TTLL5: variants seen among roughly 807,000 people sequenced by gnomAD.
TTLL5 encodes the protein tubulin polyglutamylase TTLL5.
Under a neutral mutation model 168.4 loss-of-function variants are expected in TTLL5, and 132 were observed. The observed-to-expected ratio is 0.78, with a 90% CI of 0.68 to 0.91. The LOEUF is 0.91. Among genes scored for constraint, TTLL5 ranks in the 40% least tolerant of loss-of-function variants. The pLI is 0.00. For missense variants in TTLL5, 1,545 were observed against 1,581.5 expected, an observed-to-expected ratio of 0.98 and a Z score of 0.39; for synonymous variants, 546 against 558.6, an observed-to-expected ratio of 0.98 and a Z score of 0.32.
chr14:75,925,585 G>A (rs1385573930), intron 31 of TTLL5, among the ~76,000 whole-genome samples: 5 of 151,184 alleles, frequency 3.3e-5, no homozygotes, highest in Non-Finnish European at 7.4e-5. Flanking sequence ...CCAGGCAGAG[G>A]GTCTCCTCAC....
chr14:75,952,223 A>G (rs1395829169), intron 31 of TTLL5, among the ~76,000 whole-genome samples: 1 of 152,142 alleles, frequency 6.6e-6, no homozygotes, highest in Non-Finnish European at 1.5e-5. Context: ...AATCAAAACC[A>G]CAGTGGTCAG....
chr14:75,812,614 A>G (rs982812051), intron 27 of TTLL5, among the ~76,000 whole-genome samples: 3 of 152,060 alleles, frequency 2.0e-5, no homozygotes, highest in South Asian at 2.1e-4. Flanking sequence ...TAATGAAACT[A>G]TTTTCCCTTC....
At chr14:75,770,210 T>TAAAAA (rs1891215569) in intron 20 of TTLL5, among the ~76,000 whole-genome samples, 1 of 136,504 alleles carries the variant, frequency 7.3e-6, no homozygotes, top group Non-Finnish European at 1.6e-5. Context: ...AAAATATAAG[T>TAAAAA]GTATTATTTC....
chr14:75,911,974 G>C (rs1444969698), intron 31 of TTLL5, among the ~76,000 whole-genome samples: 1 of 152,182 alleles, frequency 6.6e-6, no homozygotes, highest in Non-Finnish European at 1.5e-5. Context: ...GCACAGGGAG[G>C]AATCAGTCTC....
chr14:75,932,055 G>A (rs2034294196), intron 31 of TTLL5, among the ~76,000 whole-genome samples: 1 of 152,190 alleles, frequency 6.6e-6, no homozygotes, highest in South Asian at 2.1e-4. Flanking sequence ...TATTGCTATT[G>A]TAAGGTTTAG....
chr14:75,773,598 A>T (rs1891472385), intron 21 of TTLL5, among the ~76,000 whole-genome samples: 1 of 152,036 alleles, frequency 6.6e-6, no homozygotes, highest in Non-Finnish European at 1.5e-5. Flanking sequence ...TTTCTTGAAA[A>T]TATATCTAGG....
chr14:75,806,089 T>C (rs937585000), intron 27 of TTLL5, among the ~76,000 whole-genome samples: 34 of 150,810 alleles, frequency 2.3e-4, no homozygotes, highest in African/African-American at 8.3e-4. Flanking sequence ...AGTGCAGTGG[T>C]GCGCGATCTC....
chr14:75,790,030 TAGAAAC>T (rs1892604283), intron 26 of TTLL5, among the ~76,000 whole-genome samples: 1 of 152,100 alleles, frequency 6.6e-6, no homozygotes, highest in African/African-American at 2.4e-5. Context: ...AATAGAAAGT[TAGAAAC>T]AGTCACACAA....
chr14:75,882,895 GC>G lies in TTLL5; in HGVS notation c.3734del (p.Ala1245ValfsTer11), dbSNP rs2031892491. On this transcript the variant is annotated frameshift_variant, in exon 30 of 32. Transcript: ENST00000298832. LOFTEE classifies it high-confidence loss of function. ...GCTCAGAAGGGCAACATCCCAGAAA[GC>G]TTCCAAGTAAGTTTTTTTCTGTTCA... ...QVLRRATSQK[A>X]SKGSSAEGQL... 1 of 1,614,048 alleles carries G rather than the reference GC, an allele frequency of 6.2e-7. No homozygotes were observed. Among genetic ancestry groups the G allele is most frequent in the East Asian group, 2.2e-5 (1 of 44,874 alleles).
intron 10 of TTLL5, 95 bp from the exon 11 acceptor site, chr14:75,719,639 AC>A (rs1036584135): frequency 2.2e-5 from 24 of 1,110,140 alleles, no homozygotes; most frequent in Non-Finnish European, 2.8e-5. Flanking sequence ...TAAAAAAAAA[AC>A]TTTTTAAAAA....
intron 3 of TTLL5, among the ~76,000 whole-genome samples, chr14:75,674,303 T>C (rs1883978102): frequency 6.6e-6 from 1 of 152,200 alleles, no homozygotes; most frequent in South Asian, 2.1e-4. Context: ...AGTTGCTGCC[T>C]CAGTTTTCTG....
At chr14:75,937,693 A>G (rs1446920628) in intron 31 of TTLL5, among the ~76,000 whole-genome samples, 1 of 152,202 alleles carries the variant, frequency 6.6e-6, no homozygotes, top group East Asian at 1.9e-4. Context: ...TAACAAGCAG[A>G]ATTCCCTTTT....
At chr14:75,855,725 A>C (rs1897095402) in intron 28 of TTLL5, among the ~76,000 whole-genome samples, 1 of 152,212 alleles carries the variant, frequency 6.6e-6, no homozygotes, top group Non-Finnish European at 1.5e-5. Flanking sequence ...AGGTAACACA[A>C]AAAGAACTGA....
chr14:75,821,272 CTG>C (rs1894816610), intron 28 of TTLL5, among the ~76,000 whole-genome samples: 1 of 152,142 alleles, frequency 6.6e-6, no homozygotes, highest in Non-Finnish European at 1.5e-5. Context: ...ATCATCTTAA[CTG>C]AGAATTATAA....
At chr14:75,801,566 G>C (rs192645157) in intron 27 of TTLL5, among the ~76,000 whole-genome samples, 2 of 151,978 alleles carry the variant, frequency 1.3e-5, no homozygotes, top group African/African-American at 4.8e-5. Flanking sequence ...TCTTATTCAT[G>C]CTAACTATAT....
At chr14:75,816,200 G>A (rs913871619) in intron 27 of TTLL5, among the ~76,000 whole-genome samples, 6 of 152,194 alleles carry the variant, frequency 3.9e-5, no homozygotes, top group African/African-American at 7.2e-5. Context: ...AGGCCAAGGC[G>A]GGTAGACCAC....
At chr14:75,814,330 A>G (rs556050829) in intron 27 of TTLL5, among the ~76,000 whole-genome samples, 67 of 152,346 alleles carry the variant, frequency 4.4e-4, no homozygotes, top group African/African-American at 1.6e-3. Context: ...ATCGTTGTAT[A>G]TCAGGTACCT....
intron 9 of TTLL5, among the ~76,000 whole-genome samples, chr14:75,717,199 C>CTT (rs1566825927): frequency 6.6e-6 from 1 of 152,096 alleles, no homozygotes; most frequent in Non-Finnish European, 1.5e-5. Context: ...ACTGCAGCCT[C>CTT]TGTCTCCTGG....
intron 7 of TTLL5, among the ~76,000 whole-genome samples, chr14:75,705,170 G>T (rs1377935800): frequency 6.6e-6 from 1 of 152,226 alleles, no homozygotes; most frequent in Non-Finnish European, 1.5e-5. Flanking sequence ...AAATGGTATG[G>T]ATGATGAAGT....
Sources: gnomAD v4.1 joint callset for allele counts (sites outside exome capture counted in the v4.1 genomes callset) on GRCh38, gnomAD v4.1.1 for gene constraint, MANE v1.5 for transcripts, NCBI Gene and HGNC (gene_info 2026-07-23, HGNC 2026-07-21) for gene names.